The following PPT1 variants were observed in gnomAD, a reference collection of about 807,000 sequenced individuals.
The protein encoded by PPT1 is palmitoyl-protein thioesterase 1, also known as ceroid-palmitoyl-palmitoyl-protein thioesterase 1.
Under a neutral mutation model 44.0 loss-of-function variants are expected in PPT1, and 24 were observed. The ratio of observed to expected loss-of-function variants is 0.54; its 90% CI spans 0.39 to 0.77. The LOEUF is 0.77. PPT1 is among the 30% of genes least tolerant of loss of function. PPT1 has a pLI of 0.00. For synonymous variants in PPT1, 148 were observed against 140.2 expected, an observed-to-expected ratio of 1.06 and a Z score of -0.39; for missense variants, 341 against 378.8, an observed-to-expected ratio of 0.90 and a Z score of 0.83.
At chr1:40,092,933 T>C (rs1413585302) in intron 1 of PPT1, among the ~76,000 whole-genome samples, 1 of 152,214 alleles carries the variant, frequency 6.6e-6, no homozygotes, top group Admixed American at 6.5e-5. Context: ...GGTGGGAATG[T>C]AATAAGCAGC....
At chr1:40,075,483 T>C (rs930209777) in intron 8 of PPT1, among the ~76,000 whole-genome samples, 28 of 151,270 alleles carry the variant, frequency 1.9e-4, no homozygotes, top group African/African-American at 6.3e-4. Context: ...AAGCCTTTTT[T>C]TTTTTTTTTC....
chr1:40,096,693 G>A, intron 1 of PPT1: 1 of 196,082 alleles, frequency 5.1e-6, no homozygotes, highest in Non-Finnish European at 1.1e-5. Context: ...AAGCATTTCA[G>A]ATAAGGGTTA....
chr1:40,076,503 G>C (rs913879287), intron 8 of PPT1: 2 of 708,628 alleles, frequency 2.8e-6, no homozygotes, highest in South Asian at 6.4e-5. Flanking sequence ...ATGCATGGAG[G>C]CTTCCTGGAT....
chr1:40,076,931 G>A lies in PPT1; in HGVS notation c.727-18C>T. On this transcript the variant is annotated intron_variant, in intron 7 of 8. Transcript: ENST00000642050. ...CCAAACCACTGCAGAAGAAGCAAAG[G>A]AAAGAAGCTCAGATATGACACACAG... The A allele has an allele frequency of 6.2e-7, 1 of 1,614,006 alleles. No homozygotes were observed. Among genetic ancestry groups the A allele is most frequent in the Non-Finnish European group, 8.5e-7 (1 of 1,179,930 alleles).
At chr1:40,092,282 G>C (rs1649608373) in intron 2 of PPT1, 110 bp from the exon 3 acceptor site, 1 of 1,543,168 alleles carries the variant, frequency 6.5e-7, no homozygotes, top group African/African-American at 1.4e-5. Flanking sequence ...AGCCACTCAA[G>C]GGTGAAAGTA....
intron 5 of PPT1, among the ~76,000 whole-genome samples, chr1:40,080,909 C>G (rs1001333349): frequency 2.6e-5 from 4 of 152,062 alleles, no homozygotes; most frequent in Admixed American, 2.6e-4. Context: ...CCCTCAAGTC[C>G]CAGGCCTTAC....
Position 40,074,364 on chromosome 1 carries a change from TTTTC to T in PPT1, c.799-185_799-182del, listed in dbSNP as rs199974761. Among the ~76,000 whole-genome samples the T allele has an allele frequency of 3.4e-3, 522 of 151,992 alleles. 2 individuals carry two copies. Among genetic ancestry groups the T allele is most frequent in the African/African-American group, 0.012 (501 of 41,420 alleles). On this transcript the variant is annotated intron_variant, in intron 8 of 8. Transcript: ENST00000642050. ...ACTTCTTTTTCTTTCTCTTTTTTCTTTTTCTTTCTTTCTCTTTCTTCCTTTCTTT... is the reference window on the plus strand; with the variant it reads ...ACTTCTTTTTCTTTCTCTTTTTTCTTTTTCTTTCTCTTTCTTCCTTTCTTT...
chr1:40,092,227 ATCT>A lies in PPT1; in HGVS notation c.235-58_235-56del. The A allele has an allele frequency of 3.1e-6, 5 of 1,609,760 alleles. No individual in the cohort carries two copies. The South Asian group carries it at 3.3e-5, about 11-fold the overall frequency. On this transcript the variant is annotated intron_variant, in intron 2 of 8. Coordinates refer to ENST00000642050, the MANE Select transcript of PPT1 (RefSeq NM_000310.4). ...GATGGGACTGAAAACAACCACTGAC[ATCT>A]TCTCTAAGAGGTAAACTCATTTAGG...
At chr1:40,085,282 C>T (rs902224600) in intron 5 of PPT1, among the ~76,000 whole-genome samples, 3 of 152,326 alleles carry the variant, frequency 2.0e-5, no homozygotes, top group South Asian at 4.1e-4. Context: ...CTCCCCACCT[C>T]GGCTGCCAAA....
intron 2 of PPT1, 63 bp from the exon 3 acceptor site, chr1:40,092,235 T>C: frequency 1.2e-6 from 2 of 1,605,950 alleles, no homozygotes; most frequent in Non-Finnish European, 1.7e-6. Context: ...ACATCTTCTC[T>C]AAGAGGTAAA....
Position 40,097,190 on chromosome 1 carries a change from A to C in PPT1, c.49T>G (p.Trp17Gly), listed in dbSNP as rs775853398. 9.3e-6 allele frequency: 15 copies of C among 1,613,932 alleles called. No individual in the cohort carries two copies. The highest frequency in any genetic ancestry group is 1.3e-5 in the Non-Finnish European group (15 of 1,179,972). Residue 17 changes from tryptophan to glycine, a missense_variant, in exon 1 of 9, where the codon TGG (tryptophan) becomes GGG (glycine). By Grantham distance (184) the Trp-to-Gly change is radical (BLOSUM62 -2). Coordinates refer to ENST00000642050, the MANE Select transcript of PPT1 (RefSeq NM_000310.4). ...TGCAGCGCCCGAGAAGCGCAGGTCCATGGCAGGAGAGCCACAGCCAAGAGC... is the reference window on the plus strand; with the variant it reads ...TGCAGCGCCCGAGAAGCGCAGGTCCCTGGCAGGAGAGCCACAGCCAAGAGC... ...LWLLAVALLP[W>G]TCASRALQHL...
intron 5 of PPT1, 34 bp from the exon 6 acceptor site, chr1:40,080,521 TA>T: frequency 2.5e-6 from 4 of 1,598,472 alleles, no homozygotes; most frequent in Non-Finnish European, 3.4e-6. Flanking sequence ...GTGATCAAGC[TA>T]CAGGTCAGTC....
At chr1:40,081,388 T>C (rs1307497798) in intron 5 of PPT1, among the ~76,000 whole-genome samples, 1 of 151,556 alleles carries the variant, frequency 6.6e-6, no homozygotes, top group Non-Finnish European at 1.5e-5. Flanking sequence ...ATACAAAAAT[T>C]AGCCAGGCAC....
rs1057522283 is a variant in PPT1, at chr1:40,097,196, G to A, written c.43C>T (p.Leu15=). 3 of 1,613,992 alleles carry A rather than the reference G, an allele frequency of 1.9e-6. No homozygotes were observed. The highest frequency in any genetic ancestry group is 2.2e-5 in the South Asian group (2 of 91,078). ...GCCCGAGAAGCGCAGGTCCATGGCA[G>A]GAGAGCCACAGCCAAGAGCCACAGG... is the stretch of plus-strand genomic sequence containing the variant. ...GCLWLLAVAL[L]PWTCASRALQ... Residue 15 remains leucine, a synonymous_variant, in exon 1 of 9, where the codon CTG becomes TTG. Transcript: ENST00000642050.
Position 40,089,286 on chromosome 1 carries a change from C to CAAAAAA in PPT1, c.536+118_536+123dup, listed in dbSNP as rs10522229. 1.5e-4 allele frequency: 55 copies of CAAAAAA among 377,422 alleles called. 1 individual carries two copies. The highest frequency in any genetic ancestry group is 1.4e-3 in the Middle Eastern group (2 of 1,388). 23.4% of individuals were successfully genotyped at this position (377,422 alleles called of 1,614,324 possible). ...GGGCAACAAGAGCGAAACTCCATCTCAAAAAAAAAGATCTCATTTGAATAT... is the reference window on the plus strand; with the variant it reads ...GGGCAACAAGAGCGAAACTCCATCTCAAAAAAAAAAAAAAAGATCTCATTTGAATAT... On this transcript the variant is annotated intron_variant, in intron 5 of 8. Transcript: ENST00000642050.
chr1:40,086,883 A>T (rs771275074), intron 5 of PPT1, among the ~76,000 whole-genome samples: 2 of 151,956 alleles, frequency 1.3e-5, no homozygotes, highest in Non-Finnish European at 2.9e-5. Flanking sequence ...GGCTTTAGGC[A>T]CCAACAGAGT....
intron 1 of PPT1, among the ~76,000 whole-genome samples, chr1:40,093,309 A>G (rs1038306585): frequency 2.0e-5 from 3 of 152,246 alleles, no homozygotes; most frequent in Non-Finnish European, 4.4e-5. Context: ...CATAGGATAA[A>G]TAAAGAACAG....
intron 4 of PPT1, among the ~76,000 whole-genome samples, chr1:40,089,933 A>G (rs1211576892): frequency 6.6e-6 from 1 of 152,178 alleles, no homozygotes; most frequent in Non-Finnish European, 1.5e-5. Context: ...AATATTGGCA[A>G]TAATTAATTT....
chr1:40,093,947 C>T (rs918441015), intron 1 of PPT1: 2 of 714,396 alleles, frequency 2.8e-6, no homozygotes, highest in Non-Finnish European at 5.2e-6. Context: ...CATCCCAGCG[C>T]TTTGGTAAGA....
Sources: gnomAD v4.1 joint callset for allele counts (sites outside exome capture counted in the v4.1 genomes callset) on GRCh38, gnomAD v4.1.1 for gene constraint, MANE v1.5 for transcripts, NCBI Gene and HGNC (gene_info 2026-07-23, HGNC 2026-07-21) for gene names.